NSD1: variants seen among roughly 807,000 people sequenced by gnomAD.
NSD1 encodes the protein histone-lysine N-methyltransferase, H3 lysine-36 specific.
A neutral mutation model predicts 242.7 loss-of-function variants in NSD1; 26 were observed. That is an observed-to-expected ratio of 0.11 (90% CI 0.08 to 0.15). The LOEUF is 0.15. Ranked by LOEUF, NSD1 falls within the 10% of genes least tolerant of loss-of-function variation. The pLI is 1.00. For synonymous variants in NSD1, 1,106 were observed against 1,178.1 expected, an observed-to-expected ratio of 0.94 and a Z score of 1.25; for missense variants, 2,495 against 3,272.8, an observed-to-expected ratio of 0.76 and a Z score of 5.80.
chr5:177,168,889 G>A (rs1484849729), intron 2 of NSD1, among the ~76,000 whole-genome samples: 1 of 152,204 alleles, frequency 6.6e-6, no homozygotes, highest in Non-Finnish European at 1.5e-5. Flanking sequence ...GCTTGAAGAA[G>A]TGGTAGTCAG....
intron 2 of NSD1, 55 bp from the exon 3 acceptor site, chr5:177,191,829 A>T: frequency 6.3e-7 from 1 of 1,586,208 alleles, no homozygotes; most frequent in Non-Finnish European, 8.6e-7. Context: ...GAATGACAAT[A>T]ATGTTTCAAA....
At position 177,134,620 on chromosome 5, in the gene NSD1, T is replaced by C. The variant is rs1157018054; in HGVS notation, c.-17-467T>C. ...GCTCCGGCGCTGGCTGGGCGCAGGG[T>C]GCAGCGCTATTGTGACCGCTGCGCC... is the stretch of plus-strand genomic sequence containing the variant. On this transcript the variant is annotated intron_variant, in intron 1 of 22. Transcript: ENST00000439151. This position sits in a 1 kb window ranked among gnomAD's most constrained non-coding sequence, Gnocchi z 4.2. Among the ~76,000 whole-genome samples, 1 of 152,102 alleles carries C rather than the reference T, an allele frequency of 6.6e-6. No individual in the cohort carries two copies. Among genetic ancestry groups the C allele is most frequent in the Non-Finnish European group, 1.5e-5 (1 of 67,998 alleles).
At chr5:177,146,312 TCTC>T (rs199509757) in intron 2 of NSD1, among the ~76,000 whole-genome samples, 2,219 of 149,858 alleles carry the variant, frequency 0.015, 54 homozygotes, top group African/African-American at 0.052. Flanking sequence ...TTCAAGCAAT[TCTC>T]CTGCCTCAGC....
At chr5:177,228,747 G>T (rs553640575) in intron 5 of NSD1, among the ~76,000 whole-genome samples, 12 of 152,258 alleles carry the variant, frequency 7.9e-5, no homozygotes, top group African/African-American at 2.6e-4. Flanking sequence ...CAGTCTTGAT[G>T]AAAGAGATTT....
chr5:177,149,195 T>C (rs950767352), intron 2 of NSD1, among the ~76,000 whole-genome samples: 1 of 152,004 alleles, frequency 6.6e-6, no homozygotes, highest in African/African-American at 2.4e-5. Context: ...CGTGTAGATA[T>C]GTAGTAATGT....
chr5:177,200,171 A>T (rs1172264027), intron 3 of NSD1, among the ~76,000 whole-genome samples: 1 of 151,770 alleles, frequency 6.6e-6, no homozygotes, highest in African/African-American at 2.4e-5. Flanking sequence ...GCTCACTGCA[A>T]CCTCTGCCTC....
chr5:177,143,729 A>G (rs1757005919), intron 2 of NSD1, among the ~76,000 whole-genome samples: 2 of 152,028 alleles, frequency 1.3e-5, no homozygotes, highest in East Asian at 1.9e-4. Flanking sequence ...CCTCAGTTCT[A>G]AATTACGGCT....
intron 8 of NSD1, 80 bp downstream of exon 8, chr5:177,239,945 A>G (rs1765723032): frequency 1.2e-6 from 1 of 831,150 alleles, no homozygotes; most frequent in Non-Finnish European, 2.0e-6. Flanking sequence ...AGTAGCAGTT[A>G]TAACATTGAT....
rs35874885 is a variant in NSD1 at position 177,270,154 on chromosome 5, AGTCTTGTCTTGTCTT to A, written c.5509+369_5509+383del. 5.3e-5 allele frequency among the ~76,000 whole-genome samples: 8 copies of A among 150,556 alleles called. No individual in the cohort carries two copies. In the East Asian group the frequency reaches 5.9e-4, roughly 11 times the overall value. ...TAGCAGAGCTACATTTGCTCCAAGG[AGTCTTGTCTTGTCTT>A]GTCTTGTCTTGTCTTGTCTTGAGCT... On this transcript the variant is annotated intron_variant, in intron 16 of 22. Transcript: ENST00000439151.
At chr5:177,182,988 T>A (rs951979258) in intron 2 of NSD1, among the ~76,000 whole-genome samples, 7 of 152,106 alleles carry the variant, frequency 4.6e-5, no homozygotes, top group African/African-American at 1.7e-4. Context: ...TATTGCCAAG[T>A]ATGGTCCTGA....
At chr5:177,156,881 G>C (rs1758179588) in intron 2 of NSD1, among the ~76,000 whole-genome samples, 2 of 151,402 alleles carry the variant, frequency 1.3e-5, no homozygotes, top group African/African-American at 4.8e-5. Context: ...TGAGGCAGGA[G>C]AATAGCTTGT....
Position 177,135,722 on chromosome 5 carries a change from A to C in NSD1, c.619A>C (p.Met207Leu). The C allele has an allele frequency of 6.2e-7, 1 of 1,614,220 alleles. No homozygotes were observed. The highest frequency in any genetic ancestry group is 2.2e-5 in the East Asian group (1 of 44,890). The change falls in exon 2 of 23, where the codon ATG becomes CTG. Residue 207 changes from methionine (M) to leucine (L), a missense_variant. This residue lies in a region of NSD1 where 376 missense variants were observed against 367.4 expected (regional missense o/e 1.02). Coordinates refer to ENST00000439151, the MANE Select transcript of NSD1 (RefSeq NM_022455.5). ...ATCAGAGAATGGTGTAAAAGTGGCC[A>C]TGGGAAGTGAACAAGACAGCACACC... ...TKSENGVKVA[M>L]GSEQDSTPES... is the part of the protein sequence containing the mutation.
intron 15 of NSD1, among the ~76,000 whole-genome samples, chr5:177,268,156 T>A (rs1277781946): frequency 6.6e-6 from 1 of 151,886 alleles, no homozygotes; most frequent in Non-Finnish European, 1.5e-5. Flanking sequence ...TCACCCAGTC[T>A]GGAGTGCAGT....
At chr5:177,283,377 G>C (rs532332361) in intron 19 of NSD1, among the ~76,000 whole-genome samples, 2 of 152,168 alleles carry the variant, frequency 1.3e-5, no homozygotes, top group Admixed American at 1.3e-4. Context: ...TTGGGACTCC[G>C]CATTAGTATT....
chr5:177,225,662 A>G (rs1764580768), intron 5 of NSD1, among the ~76,000 whole-genome samples: 1 of 152,192 alleles, frequency 6.6e-6, no homozygotes, highest in Non-Finnish European at 1.5e-5. Flanking sequence ...CCTGTGAATT[A>G]TTATTAATGT....
At chr5:177,275,702 G>A (rs1758327777) in intron 17 of NSD1, among the ~76,000 whole-genome samples, 1 of 151,988 alleles carries the variant, frequency 6.6e-6, no homozygotes, top group African/African-American at 2.4e-5. Context: ...CAAAGTGCTG[G>A]GATTACAGGC....
At chr5:177,229,853 C>T (rs992041939) in intron 5 of NSD1, 2 of 262,552 alleles carry the variant, frequency 7.6e-6, no homozygotes, top group South Asian at 3.1e-5. Context: ...AAGTGATTCT[C>T]CTGTCTCACC....
At chr5:177,287,222 C>G (rs1436306511) in intron 20 of NSD1, among the ~76,000 whole-genome samples, 2 of 152,214 alleles carry the variant, frequency 1.3e-5, no homozygotes, top group African/African-American at 2.4e-5. Context: ...AGTATATGTT[C>G]AGTGAGCAGC....
At chr5:177,197,694 A>G (rs1276784220) in intron 3 of NSD1, among the ~76,000 whole-genome samples, 2 of 152,220 alleles carry the variant, frequency 1.3e-5, no homozygotes, top group South Asian at 2.1e-4. Context: ...TTCGACCCCA[A>G]TAGCTTATTT....
Sources: allele counts gnomAD v4.1 joint callset (sites outside exome capture counted in the v4.1 genomes callset), GRCh38; gene constraint gnomAD v4.1.1; regional missense constraint gnomAD v4.1.1; non-coding constraint Gnocchi (gnomAD v3.1); transcripts MANE v1.5; gene names NCBI Gene and HGNC (gene_info 2026-07-23, HGNC 2026-07-21).